TIAM1: variants seen among roughly 807,000 people sequenced by gnomAD.
TIAM1 encodes TIAM Rac1 associated GEF 1, also known as rho guanine nucleotide exchange factor TIAM1.
In TIAM1, 65 loss-of-function variants were observed where a neutral mutation model predicts 163.5. The observed-to-expected ratio is 0.40, with a 90% CI of 0.33 to 0.49. The LOEUF is 0.49. Among genes scored for constraint, TIAM1 ranks in the 20% least tolerant of loss-of-function variants. The probability of loss-of-function intolerance (pLI) is 0.77; values close to 1 mark genes in which losing one functional copy is unlikely to be tolerated. For missense variants in TIAM1, 1,789 were observed against 2,044.7 expected (o/e 0.87, Z 2.41); for synonymous variants, 833 against 810.1 (o/e 1.03, Z -0.48).
At chr21:31,522,185 C>CTTAATTATTCTTAATAATTT (rs2047622874) in intron 1 of TIAM1, among the ~76,000 whole-genome samples, 1 of 151,226 alleles carries the variant, frequency 6.6e-6, no homozygotes, top group Non-Finnish European at 1.5e-5. Flanking sequence ...CTTAATAATT[C>CTTAATTATTCTTAATAATTT]TTAATTATTC....
At position 31,327,503 on chromosome 21, in the gene TIAM1, G is replaced by A. The variant is rs115411734; in HGVS notation, c.-189+11740C>T. ...AAAATAGAAAAAATTAGCCTGGTGT[G>A]GTGATGCACACCTGTGATCCCAGCT... On this transcript the variant is annotated intron_variant, in intron 2 of 27. Coordinates refer to ENST00000541036, the MANE Select transcript of TIAM1 (RefSeq NM_001353694.2). Among the ~76,000 whole-genome samples the A allele has an allele frequency of 5.2e-3, 796 of 151,860 alleles. 7 individuals are homozygous for A. The highest frequency in any genetic ancestry group is 0.018 in the African/African-American group (753 of 41,432).
At chr21:31,432,973 T>C (rs2147283021) in intron 2 of TIAM1, among the ~76,000 whole-genome samples, 1 of 152,324 alleles carries the variant, frequency 6.6e-6, no homozygotes, top group Non-Finnish European at 1.5e-5. Flanking sequence ...GCATTACAGA[T>C]AAAGAAATGC....
intron 1 of TIAM1, among the ~76,000 whole-genome samples, chr21:31,511,393 C>A (rs1054949615): frequency 6.6e-6 from 1 of 152,190 alleles, no homozygotes; most frequent in Non-Finnish European, 1.5e-5. Flanking sequence ...ATTCTTAGTG[C>A]GGACTCTGTG....
At chr21:31,376,045 A>G (rs1020272223) in intron 2 of TIAM1, among the ~76,000 whole-genome samples, 4 of 152,140 alleles carry the variant, frequency 2.6e-5, no homozygotes, top group African/African-American at 9.7e-5. Flanking sequence ...TTTAAAAAAA[A>G]AAGAGTAGAA....
At chr21:31,403,329 A>G (rs914271600) in intron 2 of TIAM1, among the ~76,000 whole-genome samples, 1 of 152,008 alleles carries the variant, frequency 6.6e-6, no homozygotes, top group Non-Finnish European at 1.5e-5. Context: ...TTGTATTTTT[A>G]GTAGAGACGG....
chr21:31,224,360 G>C (rs1347615940), intron 7 of TIAM1, among the ~76,000 whole-genome samples: 1 of 152,186 alleles, frequency 6.6e-6, no homozygotes, highest in Non-Finnish European at 1.5e-5. Context: ...TGTCCATCAA[G>C]AAATGGCCAA....
intron 4 of TIAM1, 121 bp from the exon 5 acceptor site, chr21:31,252,310 A>C: frequency 2.7e-5 from 29 of 1,069,026 alleles, no homozygotes; most frequent in Non-Finnish European, 5.4e-6. Context: ...CGCATAAGGC[A>C]CAGCCACTCC....
intron 19 of TIAM1, among the ~76,000 whole-genome samples, chr21:31,147,386 C>T (rs66546722): frequency 0.087 from 13,225 of 152,062 alleles, 604 homozygotes; most frequent in Non-Finnish European, 0.097. Flanking sequence ...GCAGGAAATG[C>T]TCATACCTCC....
At chr21:31,387,751 T>C (rs2076900480) in intron 2 of TIAM1, among the ~76,000 whole-genome samples, 1 of 152,034 alleles carries the variant, frequency 6.6e-6, no homozygotes, top group Non-Finnish European at 1.5e-5. Flanking sequence ...TAGTGGCCCG[T>C]GGTGAGCGTC....
At chr21:31,486,458 C>T (rs947866359) in intron 1 of TIAM1, among the ~76,000 whole-genome samples, 7 of 152,238 alleles carry the variant, frequency 4.6e-5, no homozygotes, top group East Asian at 1.9e-4. Flanking sequence ...ACAAAGGGTG[C>T]GTCAGCACCT....
chr21:31,362,165 A>T lies in TIAM1; in HGVS notation c.-368-22743T>A, dbSNP rs546781678. Among the ~76,000 whole-genome samples the T allele has an allele frequency of 1.8e-4, 26 of 141,576 alleles. No homozygotes were observed. The East Asian group carries it at 3.8e-3, about 21-fold the overall frequency. The allele number at this position is 141,576 out of a possible 152,430, so 92.9% of individuals were successfully genotyped here. ...ACGGAGCTGTCACCCTATCCCTTTT[A>T]AAAAAAAAAAGATATACTCTTTACT... On this transcript the variant is annotated intron_variant, in intron 2 of 28. Transcript: ENST00000286827.
At chr21:31,268,916 T>C (rs2072921925) in intron 3 of TIAM1, among the ~76,000 whole-genome samples, 1 of 152,218 alleles carries the variant, frequency 6.6e-6, no homozygotes, top group Admixed American at 6.5e-5. Flanking sequence ...TGTAACTATA[T>C]GTTTTGCCAA....
chr21:31,148,048 A>G (rs898294296), intron 19 of TIAM1, among the ~76,000 whole-genome samples: 1 of 149,632 alleles, frequency 6.7e-6, no homozygotes, highest in African/African-American at 2.5e-5. Flanking sequence ...TAAACCATAC[A>G]TAATTGGTAA....
chr21:31,541,551 ATAGTT>A (rs1308906854), intron 1 of TIAM1, among the ~76,000 whole-genome samples: 1 of 152,218 alleles, frequency 6.6e-6, no homozygotes, highest in African/African-American at 2.4e-5. Context: ...TTACAGGAGA[ATAGTT>A]AAGTAAATTA....
intron 1 of TIAM1, among the ~76,000 whole-genome samples, chr21:31,495,250 TA>T (rs2147431613): frequency 6.6e-6 from 1 of 152,272 alleles, no homozygotes; most frequent in East Asian, 1.9e-4. Context: ...AGGTAATTTA[TA>T]AAGAAGAGAA....
rs529879342 is a variant in TIAM1 at position 31,247,292 on chromosome 21, C to CAGAGCA, written c.1412-1638_1412-1633dup. 6.3e-4 allele frequency among the ~76,000 whole-genome samples: 96 copies of CAGAGCA among 152,054 alleles called. 2 individuals are homozygous for CAGAGCA. In the South Asian group the frequency reaches 0.019, roughly 31 times the overall value. On this transcript the variant is annotated intron_variant, in intron 5 of 27. Coordinates refer to ENST00000541036, the MANE Select transcript of TIAM1 (RefSeq NM_001353694.2). ...TGCCACTGCACTCCAGCCTGGGCAA[C>CAGAGCA]AGAGCAAGACCCTGTCACAAAAAAA...
chr21:31,263,078 A>C (rs1055124316), intron 4 of TIAM1, among the ~76,000 whole-genome samples: 1 of 152,226 alleles, frequency 6.6e-6, no homozygotes, highest in African/African-American at 2.4e-5. Flanking sequence ...TTAGACTAGG[A>C]AATGTGGGCG....
At chr21:31,353,788 A>T (rs1204756425) in intron 2 of TIAM1, among the ~76,000 whole-genome samples, 2 of 150,418 alleles carry the variant, frequency 1.3e-5, no homozygotes, top group Non-Finnish European at 3.0e-5. Flanking sequence ...AACAACCTTG[A>T]CATCCTTACA....
At chr21:31,539,517 A>G (rs369305265) in intron 1 of TIAM1, among the ~76,000 whole-genome samples, 2,207 of 151,066 alleles carry the variant, frequency 0.015, 54 homozygotes, top group African/African-American at 0.052. Context: ...CGCCCGTCTC[A>G]GCCGCCCAAA....
Sources: gnomAD v4.1 joint callset for allele counts (sites outside exome capture counted in the v4.1 genomes callset) on GRCh38, gnomAD v4.1.1 for gene constraint, MANE v1.5 for transcripts, NCBI Gene and HGNC (gene_info 2026-07-23, HGNC 2026-07-21) for gene names.